The following BCORL1 variants were observed in gnomAD, a reference collection of about 807,000 sequenced individuals.
BCORL1 encodes BCL6 corepressor like 1.
Under a neutral mutation model 87.6 loss-of-function variants are expected in BCORL1, and 7 were observed. That is an observed-to-expected ratio of 0.08 (90% CI 0.05 to 0.15). The LOEUF (loss-of-function observed/expected upper bound fraction) is 0.15, where lower values mean the gene tolerates loss of function less well. BCORL1 is among the 10% of genes least tolerant of loss of function. The pLI, the probability that BCORL1 is intolerant of heterozygous loss-of-function variation, is 1.00. For synonymous variants in BCORL1, 591 were observed against 634.4 expected, an observed-to-expected ratio of 0.93 and a Z score of 1.03; for missense variants, 1,215 against 1,499.7, an observed-to-expected ratio of 0.81 and a Z score of 3.13.
intron 11 of BCORL1, among the ~76,000 whole-genome samples, chrX:130,042,119 T>G (rs1489671857): frequency 9.0e-6 from 1 of 111,160 alleles, no homozygotes; most frequent in East Asian, 2.8e-4. Flanking sequence ...GACAGTGTCT[T>G]GCTCTGTCAC....
intron 7 of BCORL1, among the ~76,000 whole-genome samples, chrX:130,026,841 A>G (rs1930275374): frequency 8.8e-6 from 1 of 113,461 alleles, no homozygotes; most frequent in Admixed American, 9.2e-5. Flanking sequence ...AGGGTTTTGC[A>G]TTGAGGCAGC....
At chrX:130,002,633 C>G (rs1928145923) in intron 1 of BCORL1, among the ~76,000 whole-genome samples, 1 of 105,038 alleles carries the variant, frequency 9.5e-6, no homozygotes, top group Admixed American at 1.0e-4. Context: ...GTGAGATAAG[C>G]AAGAAAAAGA....
intron 7 of BCORL1, 105 bp downstream of exon 7, chrX:130,025,484 G>C: frequency 1.3e-6 from 1 of 778,615 alleles, no homozygotes; most frequent in Non-Finnish European, 1.8e-6. Flanking sequence ...GAGAAACCCG[G>C]TGCTATGATC....
intron 6 of BCORL1, among the ~76,000 whole-genome samples, chrX:130,023,644 G>A (rs1489487575): frequency 8.9e-6 from 1 of 112,274 alleles, no homozygotes; most frequent in Non-Finnish European, 1.9e-5. Context: ...CTTAGCACAT[G>A]GCAAGCGAGG....
At chrX:130,053,450 G>A (rs988182677) in intron 13 of BCORL1, among the ~76,000 whole-genome samples, 3 of 111,502 alleles carry the variant, frequency 2.7e-5, no homozygotes, top group African/African-American at 9.8e-5. Context: ...AGTATTGCAC[G>A]GTTAATTAAT....
chrX:129,996,049 C>T (rs761145233), intron 1 of BCORL1, among the ~76,000 whole-genome samples: 1 of 111,088 alleles, frequency 9.0e-6, no homozygotes, highest in East Asian at 2.8e-4. Context: ...TCAGTGGTCT[C>T]TTAGATCTCC....
At chrX:129,984,312 G>A (rs1416607413) in intron 1 of BCORL1, among the ~76,000 whole-genome samples, 3 of 107,645 alleles carry the variant, frequency 2.8e-5, no homozygotes, top group East Asian at 6.0e-4. Flanking sequence ...GCGCGCGGTG[G>A]GGAGGGGGCC....
chrX:130,013,653 C>T lies in BCORL1; in HGVS notation c.881C>T (p.Pro294Leu), dbSNP rs140430106. 7 of 1,209,502 alleles carry T rather than the reference C, an allele frequency of 5.8e-6. No homozygotes were observed. Among genetic ancestry groups the T allele is most frequent in the East Asian group, 3.0e-5 (1 of 33,753 alleles). Residue 294 changes from proline to leucine, a missense_variant, in exon 4 of 14, where the codon CCG becomes CTG. Around this residue, in one of 5 missense-constraint regions of BCORL1, gnomAD observed 861 missense variants for 1,010.0 expected, o/e 0.85. Transcript: ENST00000540052. ...CCAGCTTCTGCTCCCCCTTCAGGCC[C>T]GGTTCCCTTGTCGGCTCCAGCTCCT... is the stretch of plus-strand genomic sequence containing the variant. ...PVPASAPPSG[P>L]VPLSAPAPAP...
intron 1 of BCORL1, among the ~76,000 whole-genome samples, chrX:129,994,800 G>GA (rs11392966): frequency 0.07 from 7,428 of 106,637 alleles, 688 homozygotes; most frequent in African/African-American, 0.24. Flanking sequence ...ATTTGGATAG[G>GA]AAAAAAAAAA....
intron 1 of BCORL1, among the ~76,000 whole-genome samples, chrX:129,982,965 C>G (rs923360569): frequency 5.7e-4 from 62 of 108,110 alleles, no homozygotes; most frequent in Admixed American, 1.9e-4. Context: ...CCCCCACCCG[C>G]TTCTTTCTAT....
intron 8 of BCORL1, among the ~76,000 whole-genome samples, chrX:130,033,090 T>A (rs1930722502): frequency 9.3e-6 from 1 of 107,019 alleles, no homozygotes; most frequent in Non-Finnish European, 1.9e-5. Context: ...CTCTCTTTTT[T>A]TTTTTTTTTG....
At chrX:130,007,331 GAA>G (rs1928581832) in intron 2 of BCORL1, among the ~76,000 whole-genome samples, 1 of 112,655 alleles carries the variant, frequency 8.9e-6, no homozygotes, top group Non-Finnish European at 1.9e-5. Flanking sequence ...TGCTCAGGAA[GAA>G]AAGTGTTTTC....
chrX:129,987,816 A>C (rs1926761787), intron 1 of BCORL1, among the ~76,000 whole-genome samples: 1 of 112,088 alleles, frequency 8.9e-6, no homozygotes, highest in South Asian at 3.7e-4. Context: ...TAGAACAGCC[A>C]AAGAGAGTAG....
At chrX:130,052,529 AC>A (rs1932134445) in intron 13 of BCORL1, among the ~76,000 whole-genome samples, 1 of 112,341 alleles carries the variant, frequency 8.9e-6, no homozygotes, top group African/African-American at 3.2e-5. Flanking sequence ...ATTGGGGATC[AC>A]CCATTTATTT....
At chrX:129,999,461 G>A (rs1388899101) in intron 1 of BCORL1, among the ~76,000 whole-genome samples, 2 of 105,623 alleles carry the variant, frequency 1.9e-5, no homozygotes, top group South Asian at 4.3e-4. Context: ...GGTTTGCACA[G>A]CCACACACGG....
At chrX:129,998,620 G>A (rs1304398715) in intron 1 of BCORL1, among the ~76,000 whole-genome samples, 1 of 112,007 alleles carries the variant, frequency 8.9e-6, no homozygotes, top group Non-Finnish European at 1.9e-5. Flanking sequence ...GGTGATTCTG[G>A]CTGGGGAAAC....
At chrX:129,990,987 G>A (rs1927098467) in intron 1 of BCORL1, among the ~76,000 whole-genome samples, 1 of 112,032 alleles carries the variant, frequency 8.9e-6, no homozygotes, top group African/African-American at 3.2e-5. Flanking sequence ...CCAGGTTAGA[G>A]TGCAGTGGCG....
Position 130,016,214 on chromosome X carries a change from G to A in BCORL1, c.3441+1G>A, listed in dbSNP as rs1401277997. On this transcript the variant is annotated splice_donor_variant, in intron 4 of 13. Coordinates refer to ENST00000540052, the MANE Select transcript of BCORL1 (RefSeq NM_001379451.1). LOFTEE classifies it high-confidence loss of function. ...GGTCCGGAGTTCCCACAGACCCAAG[G>A]TGAGTGCTGAGCTAAGGTCCAGGGT... The A allele has an allele frequency of 8.4e-7, 1 of 1,194,107 alleles. No homozygotes were observed. The highest frequency in any genetic ancestry group is 2.3e-5 in the Admixed American group (1 of 43,348).
chrX:130,028,980 A>G, intron 8 of BCORL1, 119 bp downstream of exon 8: 1 of 580,444 alleles, frequency 1.7e-6, no homozygotes, highest in Non-Finnish European at 2.7e-6. Flanking sequence ...GCATTCTCAA[A>G]CTAGTTCTCG....
Sources: gnomAD v4.1 joint callset for allele counts (sites outside exome capture counted in the v4.1 genomes callset) on GRCh38, gnomAD v4.1.1 for gene constraint, gnomAD v4.1.1 regional missense constraint, MANE v1.5 for transcripts, NCBI Gene and HGNC (gene_info 2026-07-23, HGNC 2026-07-21) for gene names.